The following RIMBP2 variants were observed in gnomAD, a reference collection of about 807,000 sequenced individuals.
The protein encoded by RIMBP2 is RIMS binding protein 2.
RIMBP2 carries 48 observed loss-of-function variants against 118.6 expected under a neutral mutation model. That is an observed-to-expected ratio of 0.40 (90% CI 0.32 to 0.51). RIMBP2 has a LOEUF of 0.51. RIMBP2 is among the 20% of genes least tolerant of loss of function. The pLI is 0.41. For synonymous variants in RIMBP2, 762 were observed against 742.9 expected (o/e 1.03, Z -0.42); for missense variants, 1,551 against 1,768.3 (o/e 0.88, Z 2.20).
At chr12:130,456,123 C>T (rs1195531079) in intron 7 of RIMBP2, among the ~76,000 whole-genome samples, 1 of 152,236 alleles carries the variant, frequency 6.6e-6, no homozygotes, top group Non-Finnish European at 1.5e-5. Flanking sequence ...AGTACCCAGC[C>T]AAGAAATCCT....
intron 19 of RIMBP2, 95 bp from the exon 20 acceptor site, chr12:130,407,924 C>T: frequency 9.1e-7 from 1 of 1,104,624 alleles, no homozygotes; most frequent in Non-Finnish European, 1.4e-6. Context: ...GCCAATACAG[C>T]CGAGACCTGG....
chr12:130,602,730 G>A (rs7974202), intron 2 of RIMBP2, among the ~76,000 whole-genome samples: 27,537 of 152,166 alleles, frequency 0.18, 3,684 homozygotes, highest in African/African-American at 0.36. Context: ...ATTCGCCAAC[G>A]GTGGTTCTGT....
intron 2 of RIMBP2, among the ~76,000 whole-genome samples, chr12:130,521,919 G>C (rs6486548): frequency 0.79 from 120,314 of 152,144 alleles, 48,185 homozygotes; most frequent in Non-Finnish European, 0.87. Context: ...AGAGGGTTTA[G>C]GGTTTCCCAG....
intron 4 of RIMBP2, among the ~76,000 whole-genome samples, chr12:130,503,797 C>T (rs1382423430): frequency 6.6e-6 from 1 of 152,176 alleles, no homozygotes; most frequent in Non-Finnish European, 1.5e-5. Flanking sequence ...AAATGAGAAT[C>T]TTGGAGTAAC....
intron 6 of RIMBP2, among the ~76,000 whole-genome samples, 170 bp from the exon 7 acceptor site, chr12:130,456,870 T>G (rs116118522): frequency 0.012 from 1,903 of 152,300 alleles, 42 homozygotes; most frequent in African/African-American, 0.043. Context: ...CATATGAGCA[T>G]GTATCCTGTG....
At chr12:130,704,396 G>A (rs576313345) in intron 1 of RIMBP2, among the ~76,000 whole-genome samples, 77 of 152,192 alleles carry the variant, frequency 5.1e-4, no homozygotes, top group Non-Finnish European at 8.5e-4. Flanking sequence ...CCAAATTGGC[G>A]AAACCCTGTC....
At chr12:130,666,468 T>C (rs2063918803) in intron 1 of RIMBP2, among the ~76,000 whole-genome samples, 1 of 152,132 alleles carries the variant, frequency 6.6e-6, no homozygotes, top group Non-Finnish European at 1.5e-5. Flanking sequence ...AGGACTGCCT[T>C]TGCAAGACAA....
At chr12:130,499,114 G>C (rs1038475843) in intron 4 of RIMBP2, among the ~76,000 whole-genome samples, 1 of 152,230 alleles carries the variant, frequency 6.6e-6, no homozygotes, top group Non-Finnish European at 1.5e-5. Context: ...ACAGGAAAGA[G>C]CATGAAGCAG....
intron 2 of RIMBP2, among the ~76,000 whole-genome samples, chr12:130,607,291 C>G (rs1294345229): frequency 6.6e-6 from 1 of 152,182 alleles, no homozygotes; most frequent in Admixed American, 6.5e-5. Flanking sequence ...CTGAAACATT[C>G]CCACTAAGTG....
At chr12:130,535,738 CATATATATATATATATATATATAT>C (rs55887629) in intron 2 of RIMBP2, among the ~76,000 whole-genome samples, 1,110 of 66,700 alleles carry the variant, frequency 0.017, 24 homozygotes, top group African/African-American at 0.042. Context: ...CATATATATA[CATATATATATATATATATATATAT>C]ATATATATAT....
chr12:130,535,857 C>T (rs1348822252), intron 2 of RIMBP2, among the ~76,000 whole-genome samples: 2 of 151,266 alleles, frequency 1.3e-5, no homozygotes, highest in Admixed American at 6.6e-5. Context: ...CAGCTCACTA[C>T]AGCCTCAACC....
At chr12:130,452,023 G>A (rs2137395479) in intron 7 of RIMBP2, among the ~76,000 whole-genome samples, 1 of 152,316 alleles carries the variant, frequency 6.6e-6, no homozygotes, top group East Asian at 1.9e-4. Context: ...GCTGAGCCCT[G>A]TCCTGGTTGC....
At chr12:130,486,373 C>T (rs981909125) in intron 4 of RIMBP2, among the ~76,000 whole-genome samples, 4 of 152,136 alleles carry the variant, frequency 2.6e-5, no homozygotes, top group African/African-American at 9.7e-5. Flanking sequence ...GGAGGGGCCA[C>T]GGCTCTATTT....
chr12:130,618,037 T>G (rs1273802941), intron 2 of RIMBP2, among the ~76,000 whole-genome samples: 638 of 48,816 alleles, frequency 0.013, 9 homozygotes, highest in African/African-American at 0.04. Flanking sequence ...AAAAAAAAAG[T>G]AAAAAAGGGG....
chr12:130,592,386 C>A lies in RIMBP2; in HGVS notation c.-217+35936G>T, dbSNP rs2059323026. 2.0e-5 allele frequency among the ~76,000 whole-genome samples: 3 copies of A among 152,154 alleles called. No individual in the cohort carries two copies. The South Asian group carries it at 6.2e-4, about 32-fold the overall frequency. On this transcript the variant is annotated intron_variant, in intron 2 of 22. Coordinates refer to ENST00000690449, the MANE Select transcript of RIMBP2 (RefSeq NM_001393629.1). ...CCCCTTTGCCTGTGGGCACTTGCTT[C>A]TCTGTGTAAAAATGGATGCGCTGGC...
At chr12:130,673,138 G>T (rs985915281) in intron 1 of RIMBP2, among the ~76,000 whole-genome samples, 3 of 152,202 alleles carry the variant, frequency 2.0e-5, no homozygotes, top group Non-Finnish European at 4.4e-5. Flanking sequence ...CAGGACTTGG[G>T]CTAAGTTGTT....
chr12:130,683,148 T>G lies in RIMBP2; in HGVS notation c.-352+33074A>C, dbSNP rs2064877808. Among the ~76,000 whole-genome samples, 1 of 151,734 alleles carries G rather than the reference T, an allele frequency of 6.6e-6. No individual in the cohort carries two copies. The highest frequency in any genetic ancestry group is 1.5e-5 in the Non-Finnish European group (1 of 67,930). ...AGGGTAGAGATGAGATCCAGGGGGG[T>G]TGGGGTGGACCCTCCATCTGATGAG... On this transcript the variant is annotated intron_variant, in intron 1 of 22. Transcript: ENST00000690449. The surrounding 1 kb of genome is among the most constrained non-coding windows in gnomAD (Gnocchi z 4.4).
At chr12:130,428,610 C>T (rs1488378999) in intron 14 of RIMBP2, 1 of 312,922 alleles carries the variant, frequency 3.2e-6, no homozygotes, top group African/African-American at 2.1e-5. Flanking sequence ...AGATAGAAAA[C>T]CCACTGGGGC....
intron 1 of RIMBP2, among the ~76,000 whole-genome samples, chr12:130,650,271 A>T (rs574986253): frequency 6.6e-6 from 1 of 152,080 alleles, no homozygotes. Context: ...CCCAGCAGCC[A>T]GCTGCCGGGT....
Sources: gnomAD v4.1 joint callset for allele counts (sites outside exome capture counted in the v4.1 genomes callset) on GRCh38, gnomAD v4.1.1 for gene constraint, Gnocchi (gnomAD v3.1) non-coding constraint, MANE v1.5 for transcripts, NCBI Gene and HGNC (gene_info 2026-07-23, HGNC 2026-07-21) for gene names.